Variants in ATRNL1 observed in about 807,000 individuals in gnomAD.
ATRNL1 encodes the protein attractin like 1.
Under a neutral mutation model 182.7 loss-of-function variants are expected in ATRNL1, and 95 were observed. The observed-to-expected ratio is 0.52, with a 90% CI of 0.44 to 0.62. The LOEUF is 0.62. Ranked by LOEUF, ATRNL1 falls within the 20% of genes least tolerant of loss-of-function variation. The pLI is 0.00. For synonymous variants in ATRNL1, 576 were observed against 568.3 expected, an observed-to-expected ratio of 1.01 and a Z score of -0.19; for missense variants, 1,471 against 1,679.5, an observed-to-expected ratio of 0.88 and a Z score of 2.17.
intron 13 of ATRNL1, among the ~76,000 whole-genome samples, chr10:115,275,795 G>T (rs1180078604): frequency 6.6e-6 from 1 of 152,112 alleles, no homozygotes; most frequent in African/African-American, 2.4e-5. Context: ...GATCTTAAAG[G>T]ACAAATCCAC....
At chr10:115,425,692 C>T (rs1845851828) in intron 20 of ATRNL1, among the ~76,000 whole-genome samples, 1 of 151,882 alleles carries the variant, frequency 6.6e-6, no homozygotes, top group South Asian at 2.1e-4. Flanking sequence ...CTATATTAGT[C>T]AATTTTGTTT....
chr10:115,403,351 G>C (rs538132995), intron 20 of ATRNL1, among the ~76,000 whole-genome samples: 3 of 148,894 alleles, frequency 2.0e-5, no homozygotes, highest in African/African-American at 7.6e-5. Flanking sequence ...AGACTACAGA[G>C]GAAGAATAAT....
At chr10:115,401,113 A>G (rs1459154693) in intron 20 of ATRNL1, among the ~76,000 whole-genome samples, 2 of 152,066 alleles carry the variant, frequency 1.3e-5, no homozygotes, top group African/African-American at 2.4e-5. Flanking sequence ...CTAGAACTTC[A>G]TAGGTTTTCA....
At chr10:115,210,612 T>C (rs1183404033) in intron 8 of ATRNL1, among the ~76,000 whole-genome samples, 2 of 152,036 alleles carry the variant, frequency 1.3e-5, no homozygotes, top group African/African-American at 4.8e-5. Flanking sequence ...GTCTGCTGTT[T>C]TATTATTTGT....
chr10:115,093,977 A>G lies in ATRNL1; in HGVS notation c.227A>G (p.Asn76Ser). The G allele has an allele frequency of 6.3e-7, 1 of 1,581,322 alleles. No homozygotes were observed. The highest frequency in any genetic ancestry group is 8.6e-7 in the Non-Finnish European group (1 of 1,165,970). Residue 76 changes from asparagine (N) to serine (S), a missense_variant, in exon 1 of 29, where the codon AAC becomes AGC. By Grantham distance (46) the Asn-to-Ser change is conservative. This residue lies in a region of ATRNL1 where 1,031 missense variants were observed against 1,156.0 expected (regional missense o/e 0.89). Coordinates refer to ENST00000355044, the MANE Select transcript of ATRNL1 (RefSeq NM_207303.4). This position sits in a 1 kb window ranked among gnomAD's most constrained non-coding sequence, Gnocchi z 6.1. Reference protein sequence around the residue: ...TGSCFSGRCVNSTCLCDPGWV... With the variant: ...TGSCFSGRCVSSTCLCDPGWV... Reference sequence around the variant, plus strand: ...TCCTGCTTCTCGGGCCGCTGTGTCAACTCCACCTGCCTCTGCGACCCGGGC... The same window carrying G: ...TCCTGCTTCTCGGGCCGCTGTGTCAGCTCCACCTGCCTCTGCGACCCGGGC...
intron 26 of ATRNL1, among the ~76,000 whole-genome samples, chr10:115,558,062 A>C (rs1435173455): frequency 7.2e-5 from 6 of 83,878 alleles, no homozygotes; most frequent in Admixed American, 2.9e-4. Flanking sequence ...AAAAACAAAA[A>C]AACAAAAAAA....
At chr10:115,247,324 C>T (rs1850687261) in intron 10 of ATRNL1, among the ~76,000 whole-genome samples, 1 of 151,988 alleles carries the variant, frequency 6.6e-6, no homozygotes. Context: ...AAAAAAACCT[C>T]AACAAACAAT....
chr10:115,203,426 T>C, intron 8 of ATRNL1, among the ~76,000 whole-genome samples: 1 of 152,064 alleles, frequency 6.6e-6, no homozygotes, highest in Non-Finnish European at 1.5e-5. Flanking sequence ...ACTGTCTAAC[T>C]GAATGTTTAT....
rs531496602 is a variant in ATRNL1, at chr10:115,318,845, C to G, written c.3037+3109C>G. Among the ~76,000 whole-genome samples the G allele has an allele frequency of 6.5e-3, 986 of 152,134 alleles. 5 individuals are homozygous for G. Among genetic ancestry groups the G allele is most frequent in the Non-Finnish European group, 0.012 (785 of 67,992 alleles). On this transcript the variant is annotated intron_variant, in intron 18 of 28. Transcript: ENST00000355044. ...TTCTTAGTTTTTCAAAAAACCAGCT[C>G]CTGAATTCATTGATGTTTTGGAGGG... is the stretch of plus-strand genomic sequence containing the variant.
intron 13 of ATRNL1, among the ~76,000 whole-genome samples, chr10:115,280,579 T>C (rs1342648084): frequency 6.6e-6 from 1 of 152,104 alleles, no homozygotes; most frequent in African/African-American, 2.4e-5. Context: ...TCCTCTTAAA[T>C]TGAGAAATGT....
intron 28 of ATRNL1, among the ~76,000 whole-genome samples, chr10:115,921,068 G>A (rs999674538): frequency 2.4e-4 from 36 of 152,112 alleles, no homozygotes; most frequent in African/African-American, 8.7e-4. Context: ...GAATAAGATA[G>A]CATTAGGAAG....
At chr10:115,722,584 A>G (rs538569337) in intron 26 of ATRNL1, among the ~76,000 whole-genome samples, 37 of 149,064 alleles carry the variant, frequency 2.5e-4, no homozygotes, top group Non-Finnish European at 4.8e-4. Context: ...AATAACAGAA[A>G]GCCTCTTATT....
chr10:115,308,360 A>G (rs995270667), intron 17 of ATRNL1, among the ~76,000 whole-genome samples: 4 of 152,142 alleles, frequency 2.6e-5, no homozygotes, highest in African/African-American at 7.2e-5. Flanking sequence ...TCCCAAATGT[A>G]TAAAGGTTCA....
chr10:115,427,588 G>A (rs1845959857), intron 21 of ATRNL1, among the ~76,000 whole-genome samples: 1 of 152,018 alleles, frequency 6.6e-6, no homozygotes, highest in Admixed American at 6.6e-5. Context: ...GGTCCATTTT[G>A]AATTAATATT....
intron 24 of ATRNL1, among the ~76,000 whole-genome samples, chr10:115,493,264 C>G (rs1303226849): frequency 1.3e-5 from 2 of 152,128 alleles, no homozygotes; most frequent in African/African-American, 4.8e-5. Context: ...TCACCCTCCT[C>G]TTACTCTCCA....
At chr10:115,216,526 A>G (rs1554896282) in intron 9 of ATRNL1, among the ~76,000 whole-genome samples, 1 of 151,916 alleles carries the variant, frequency 6.6e-6, no homozygotes, top group Non-Finnish European at 1.5e-5. Context: ...TTGATTTCCT[A>G]TTGTTTCCTG....
At chr10:115,944,122 T>C (rs1953810806) in intron 28 of ATRNL1, among the ~76,000 whole-genome samples, 1 of 151,892 alleles carries the variant, frequency 6.6e-6, no homozygotes, top group Non-Finnish European at 1.5e-5. Flanking sequence ...CCCTGCATTA[T>C]GCATTTGTCA....
chr10:115,506,146 C>T (rs571884962), intron 24 of ATRNL1, among the ~76,000 whole-genome samples: 7 of 152,022 alleles, frequency 4.6e-5, no homozygotes, highest in Admixed American at 1.3e-4. Context: ...CCCCACTACA[C>T]CACCTTTGTG....
intron 18 of ATRNL1, among the ~76,000 whole-genome samples, chr10:115,321,645 T>A (rs1854589288): frequency 6.7e-6 from 1 of 149,130 alleles, no homozygotes; most frequent in Admixed American, 6.7e-5. Context: ...ATAGCTATCA[T>A]AATACTGAAG....
Sources: allele counts gnomAD v4.1 joint callset (sites outside exome capture counted in the v4.1 genomes callset), GRCh38; gene constraint gnomAD v4.1.1; regional missense constraint gnomAD v4.1.1; non-coding constraint Gnocchi (gnomAD v3.1); transcripts MANE v1.5; gene names NCBI Gene and HGNC (gene_info 2026-07-23, HGNC 2026-07-21).